Variants in RYR2 observed in about 807,000 individuals in gnomAD.
RYR2 encodes ryanodine receptor 2.
RYR2 carries 227 observed loss-of-function variants against 601.1 expected under a neutral mutation model. The observed-to-expected ratio is 0.38, with a 90% CI of 0.34 to 0.42. The LOEUF is 0.42. RYR2 is among the 10% of genes least tolerant of loss of function. The pLI, the probability that RYR2 is intolerant of heterozygous loss-of-function variation, is 1.00. For missense variants in RYR2, 4,646 were observed against 6,156.5 expected (o/e 0.75, Z 8.21); for synonymous variants, 2,223 against 2,175.1 (o/e 1.02, Z -0.61).
At chr1:237,379,505 C>G (rs1701279893) in intron 8 of RYR2, among the ~76,000 whole-genome samples, 1 of 152,200 alleles carries the variant, frequency 6.6e-6, no homozygotes, top group Non-Finnish European at 1.5e-5. Flanking sequence ...TTAAAAAGCA[C>G]TACACAAGTG....
rs183376007 is a variant in RYR2, at chr1:237,349,149, C to G, written c.274-6816C>G. On this transcript the variant is annotated intron_variant, in intron 3 of 104. Coordinates refer to ENST00000366574, the MANE Select transcript of RYR2 (RefSeq NM_001035.3). ...GAATATTAATACTTATAAAACCACA[C>G]TGGGTTACCATAGTAAAAATGCTGA... Among the ~76,000 whole-genome samples the G allele has an allele frequency of 3.9e-5, 6 of 152,186 alleles. No homozygotes were observed. In the East Asian group the frequency reaches 1.2e-3, roughly 29 times the overall value.
In RYR2 at chr1:237,683,499, C is replaced by G. The variant is rs868324419; in HGVS notation, c.9017+2922C>G. ...AGAGGGGCGAGAGATTTATGGAAATCAAGCCAGTCAAAGTTGATCTTGAAC... is the reference window on the plus strand; with the variant it reads ...AGAGGGGCGAGAGATTTATGGAAATGAAGCCAGTCAAAGTTGATCTTGAAC... On this transcript the variant is annotated intron_variant, in intron 62 of 104. Coordinates refer to ENST00000366574, the MANE Select transcript of RYR2 (RefSeq NM_001035.3). 3.3e-5 allele frequency among the ~76,000 whole-genome samples: 5 copies of G among 152,110 alleles called. 1 individual carries two copies. Among genetic ancestry groups the G allele is most frequent in the South Asian group, 4.1e-4 (2 of 4,828 alleles).
intron 53 of RYR2, 98 bp from the exon 54 acceptor site, chr1:237,657,842 TTGAA>T: frequency 1.7e-6 from 1 of 595,224 alleles, no homozygotes; most frequent in Non-Finnish European, 2.9e-6. Context: ...ACAGTTAAAA[TTGAA>T]TGAGATATAA....
chr1:237,348,144 T>C (rs1160538897), intron 3 of RYR2, among the ~76,000 whole-genome samples: 1 of 152,156 alleles, frequency 6.6e-6, no homozygotes, highest in Non-Finnish European at 1.5e-5. Context: ...TATTTCTCTG[T>C]TGGTGGTGAC....
chr1:237,603,151 A>G (rs537048176), intron 35 of RYR2, among the ~76,000 whole-genome samples: 1 of 152,286 alleles, frequency 6.6e-6, no homozygotes, highest in African/African-American at 2.4e-5. Flanking sequence ...TAGTCATCTA[A>G]TTAGTGACGT....
chr1:237,319,034 T>C (rs575969664), intron 2 of RYR2, among the ~76,000 whole-genome samples: 30 of 152,326 alleles, frequency 2.0e-4, no homozygotes, highest in African/African-American at 6.7e-4. Flanking sequence ...GTACTTCAGA[T>C]TGAATAATTT....
intron 95 of RYR2, 38 bp from the exon 96 acceptor site, chr1:237,795,251 A>C (rs1658961604): frequency 1.0e-6 from 1 of 995,938 alleles, no homozygotes; most frequent in Admixed American, 3.0e-5. Context: ...TGTCATTAAA[A>C]ATAATACTAT....
chr1:237,748,832 T>C (rs570964546), intron 80 of RYR2, among the ~76,000 whole-genome samples: 1 of 152,312 alleles, frequency 6.6e-6, no homozygotes, highest in East Asian at 1.9e-4. Context: ...TTCGAAAAAA[T>C]ATTTGCTTCT....
chr1:237,547,205 C>T (rs1166632140), intron 25 of RYR2, among the ~76,000 whole-genome samples: 2 of 151,482 alleles, frequency 1.3e-5, no homozygotes, highest in South Asian at 4.2e-4. Flanking sequence ...TGGGTTTCAC[C>T]ATGTTGGCCA....
At chr1:237,726,179 A>G (rs539448630) in intron 74 of RYR2, 94 bp from the exon 75 acceptor site, 2 of 862,378 alleles carry the variant, frequency 2.3e-6, no homozygotes, top group Non-Finnish European at 1.8e-6. Context: ...TGTTTACTTC[A>G]GACATTATTA....
At chr1:237,398,749 A>G (rs977811119) in intron 10 of RYR2, among the ~76,000 whole-genome samples, 1 of 152,244 alleles carries the variant, frequency 6.6e-6, no homozygotes, top group African/African-American at 2.4e-5. Context: ...CATTTATTCT[A>G]AAGAATGAAA....
At chr1:237,735,841 T>G (rs909651785) in intron 79 of RYR2, among the ~76,000 whole-genome samples, 1 of 152,264 alleles carries the variant, frequency 6.6e-6, no homozygotes, top group Non-Finnish European at 1.5e-5. Context: ...GAAAAATATC[T>G]GTACATGTTC....
At chr1:237,511,873 T>A in intron 24 of RYR2, 82 bp downstream of exon 24, 1 of 840,516 alleles carries the variant, frequency 1.2e-6, no homozygotes, top group Non-Finnish European at 1.8e-6. Flanking sequence ...GTATTGATGC[T>A]ATATGTTAAT....
rs373371986 is a variant in RYR2 at position 237,128,321 on chromosome 1, G to A, written c.48+85752G>A. ...GAGGTTGCAGTGAGCCGAGATGGCA[G>A]CAGTACAGTCCAGCTTCGGCTCAGC... On this transcript the variant is annotated intron_variant, in intron 1 of 104. Transcript: ENST00000366574. Among the ~76,000 whole-genome samples the A allele has an allele frequency of 4.9e-3, 753 of 152,302 alleles. 6 individuals are homozygous for A. The highest frequency in any genetic ancestry group is 0.014 in the Middle Eastern group (4 of 294).
chr1:237,256,098 G>C (rs1220798178), intron 1 of RYR2, among the ~76,000 whole-genome samples: 1 of 152,084 alleles, frequency 6.6e-6, no homozygotes, highest in Non-Finnish European at 1.5e-5. Context: ...CTCAGTGGGA[G>C]ATAATTGAAT....
chr1:237,334,778 A>T (rs1475299280), intron 3 of RYR2, among the ~76,000 whole-genome samples: 2 of 151,984 alleles, frequency 1.3e-5, no homozygotes, highest in Non-Finnish European at 2.9e-5. Context: ...TTGCAGATCT[A>T]CCTCTGTATT....
chr1:237,491,438 A>G (rs1457732038), intron 17 of RYR2, among the ~76,000 whole-genome samples: 2 of 152,016 alleles, frequency 1.3e-5, no homozygotes, highest in Admixed American at 1.3e-4. Context: ...TCAAGACTTT[A>G]CTCATGCACA....
chr1:237,386,824 T>TC (rs1173889160), intron 8 of RYR2, among the ~76,000 whole-genome samples: 1 of 152,098 alleles, frequency 6.6e-6, no homozygotes, highest in Non-Finnish European at 1.5e-5. Context: ...CCTGAAGGAC[T>TC]CCATAAAAGA....
At chr1:237,388,331 T>A in intron 10 of RYR2, 148 bp downstream of exon 10, 2 of 680,202 alleles carry the variant, frequency 2.9e-6, no homozygotes, top group Non-Finnish European at 5.0e-6. Flanking sequence ...ATCCATTTGT[T>A]GCCCCCTCTT....
Sources: allele counts gnomAD v4.1 joint callset (sites outside exome capture counted in the v4.1 genomes callset), GRCh38; gene constraint gnomAD v4.1.1; transcripts MANE v1.5; gene names NCBI Gene and HGNC (gene_info 2026-07-23, HGNC 2026-07-21).